ALDH1A2: variants seen among roughly 807,000 people sequenced by gnomAD.
ALDH1A2 encodes the protein retinal dehydrogenase 2.
ALDH1A2 carries 27 observed loss-of-function variants against 60.3 expected under a neutral mutation model. The ratio of observed to expected loss-of-function variants is 0.45; its 90% CI spans 0.33 to 0.62. The LOEUF is 0.62. ALDH1A2 is among the 20% of genes least tolerant of loss of function. The pLI is 0.02. For missense variants in ALDH1A2, 581 were observed against 643.8 expected (o/e 0.90, Z 1.06); for synonymous variants, 289 against 232.4 (o/e 1.24, Z -2.21).
chr15:57,973,706 T>C (rs1894146106), intron 7 of ALDH1A2, among the ~76,000 whole-genome samples: 1 of 152,224 alleles, frequency 6.6e-6, no homozygotes, highest in Non-Finnish European at 1.5e-5. Context: ...TTAAGTCCTT[T>C]AGTGTCTGCC....
intron 1 of ALDH1A2, among the ~76,000 whole-genome samples, chr15:58,029,904 C>T (rs1437444063): frequency 6.6e-6 from 1 of 152,102 alleles, no homozygotes; most frequent in Non-Finnish European, 1.5e-5. Context: ...AGCCTACCAA[C>T]CAAAAAGTCC....
intron 7 of ALDH1A2, among the ~76,000 whole-genome samples, chr15:57,984,383 A>G (rs1894627104): frequency 6.6e-6 from 1 of 152,250 alleles, no homozygotes; most frequent in Admixed American, 6.5e-5. Flanking sequence ...GATATAACTC[A>G]TATACCATAA....
intron 7 of ALDH1A2, among the ~76,000 whole-genome samples, chr15:57,977,864 T>C (rs1161041256): frequency 2.6e-5 from 4 of 152,250 alleles, no homozygotes; most frequent in Admixed American, 2.6e-4. Flanking sequence ...TTGTGTCCTC[T>C]CATTTCCTTG....
At chr15:58,016,427 T>C (rs1194436881) in intron 1 of ALDH1A2, among the ~76,000 whole-genome samples, 1 of 152,146 alleles carries the variant, frequency 6.6e-6, no homozygotes, top group Non-Finnish European at 1.5e-5. Context: ...CGTGAGCCAC[T>C]GCACCCGGCC....
At position 57,960,692 on chromosome 15, in the gene ALDH1A2, A is replaced by G. The variant is rs916962753; in HGVS notation, c.1484+78T>C. Reference sequence around the variant, plus strand: ...ATGTATGGATGAGTGTAAGATAATTAAACTATTTTTTAAGTACTGCTCTGT... The same window carrying G: ...ATGTATGGATGAGTGTAAGATAATTGAACTATTTTTTAAGTACTGCTCTGT... On this transcript the variant is annotated intron_variant, in intron 12 of 12. Transcript: ENST00000249750. The G allele has an allele frequency of 1.7e-5, 21 of 1,271,488 alleles. No homozygotes were observed. In the African/African-American group the frequency reaches 2.4e-4, roughly 14 times the overall value. The allele number at this position is 1,271,488 out of a possible 1,614,324, so 78.8% of individuals were successfully genotyped here.
chr15:57,987,603 G>A (rs370028938), intron 7 of ALDH1A2, among the ~76,000 whole-genome samples: 40 of 152,226 alleles, frequency 2.6e-4, no homozygotes, highest in East Asian at 1.9e-4. Flanking sequence ...AAGACAGGCC[G>A]GGTACAGTGG....
rs1191891887 is a variant in ALDH1A2, at chr15:58,065,710, C to T, written c.-60G>A. 3.2e-6 allele frequency: 4 copies of T among 1,243,876 alleles called. No individual in the cohort carries two copies. The highest frequency in any genetic ancestry group is 4.4e-6 in the Non-Finnish European group (4 of 910,990). The allele number at this position is 1,243,876 out of a possible 1,614,324, so 77.1% of individuals were successfully genotyped here. A position where few individuals can be genotyped will look rare whatever the true frequency, so the allele number is the denominator to read the frequency against. Reference sequence around the variant, plus strand: ...GGGCAGTGCGGGCTGTGCGCGCGGTCCGCGGCCCGGGGGCGCGCTCGCCTG... The same window carrying T: ...GGGCAGTGCGGGCTGTGCGCGCGGTTCGCGGCCCGGGGGCGCGCTCGCCTG... On this transcript the variant is annotated 5_prime_UTR_variant, in exon 1 of 13. Coordinates refer to ENST00000249750, the MANE Select transcript of ALDH1A2 (RefSeq NM_003888.4).
chr15:57,988,747 A>G lies in ALDH1A2; in HGVS notation c.798+3958T>C, dbSNP rs1894795152. Among the ~76,000 whole-genome samples, 3 of 152,246 alleles carry G rather than the reference A, an allele frequency of 2.0e-5. No homozygotes were observed. In the South Asian group the frequency reaches 6.2e-4, roughly 31 times the overall value. ...TCATTTAAAACGTTAAAAGATCTTC[A>G]GTGGCAAAACAGATTTGAACCCAAG... On this transcript the variant is annotated intron_variant, in intron 7 of 12. Coordinates refer to ENST00000249750, the MANE Select transcript of ALDH1A2 (RefSeq NM_003888.4).
Position 58,055,661 on chromosome 15 carries a change from A to C in ALDH1A2, c.117+9873T>G, listed in dbSNP as rs534979241. On this transcript the variant is annotated intron_variant, in intron 1 of 12. Coordinates refer to ENST00000249750, the MANE Select transcript of ALDH1A2 (RefSeq NM_003888.4). ...TTTAGTTTTAAGGTTGGAGAATTTCACACTTCCACAATATTTTCTTTAAAA... is the reference window on the plus strand; with the variant it reads ...TTTAGTTTTAAGGTTGGAGAATTTCCCACTTCCACAATATTTTCTTTAAAA... 9.2e-5 allele frequency among the ~76,000 whole-genome samples: 14 copies of C among 152,218 alleles called. No homozygotes were observed. The South Asian group carries it at 2.9e-3, about 32-fold the overall frequency.
chr15:57,965,219 C>A (rs868247020), intron 8 of ALDH1A2, among the ~76,000 whole-genome samples: 38 of 152,250 alleles, frequency 2.5e-4, no homozygotes, highest in African/African-American at 9.1e-4. Flanking sequence ...ACCGAACTGA[C>A]CCACGTGTGC....
At position 58,016,305 on chromosome 15, in the gene ALDH1A2, A is replaced by T. The variant is rs559440387; in HGVS notation, c.118-2024T>A. Among the ~76,000 whole-genome samples, 42 of 151,940 alleles carry T rather than the reference A, an allele frequency of 2.8e-4. 1 individual carries two copies. In the East Asian group the frequency reaches 7.6e-3, roughly 28 times the overall value. Reference sequence around the variant, plus strand: ...ATTACAGGCACCCACCACCATGCCCAGCTAATTTTTGTATTTTTAGTAGAG... The same window carrying T: ...ATTACAGGCACCCACCACCATGCCCTGCTAATTTTTGTATTTTTAGTAGAG... On this transcript the variant is annotated intron_variant, in intron 1 of 12. Coordinates refer to ENST00000249750, the MANE Select transcript of ALDH1A2 (RefSeq NM_003888.4).
At chr15:58,055,575 AAT>A (rs1217950090) in intron 1 of ALDH1A2, among the ~76,000 whole-genome samples, 1 of 152,056 alleles carries the variant, frequency 6.6e-6, no homozygotes. Flanking sequence ...ATTATCAAAA[AAT>A]AAGTGTGTAG....
At chr15:58,057,891 T>C (rs1896936315) in intron 1 of ALDH1A2, 1 of 412,738 alleles carries the variant, frequency 2.4e-6, no homozygotes, top group Non-Finnish European at 3.8e-6. Flanking sequence ...AGAGTAGCTC[T>C]GGCTACAGCC....
At chr15:58,019,685 G>C (rs183139717) in intron 1 of ALDH1A2, among the ~76,000 whole-genome samples, 2 of 152,278 alleles carry the variant, frequency 1.3e-5, no homozygotes, top group Admixed American at 1.3e-4. Flanking sequence ...TTGTGGTTGT[G>C]AAGGACTAAC....
At chr15:58,053,166 AAC>A (rs1896817602) in intron 1 of ALDH1A2, among the ~76,000 whole-genome samples, 1 of 152,156 alleles carries the variant, frequency 6.6e-6, no homozygotes, top group Non-Finnish European at 1.5e-5. Flanking sequence ...GACATTATAA[AAC>A]ACACAGTACT....
At chr15:58,033,738 A>T (rs1365225288) in intron 1 of ALDH1A2, among the ~76,000 whole-genome samples, 2 of 151,222 alleles carry the variant, frequency 1.3e-5, no homozygotes, top group Admixed American at 6.6e-5. Flanking sequence ...GATTTGTTGA[A>T]AAGACAATCC....
At chr15:58,027,940 G>A (rs1460795947) in intron 1 of ALDH1A2, among the ~76,000 whole-genome samples, 1 of 152,184 alleles carries the variant, frequency 6.6e-6, no homozygotes, top group Non-Finnish European at 1.5e-5. Flanking sequence ...ACCTGAAAGT[G>A]ACGGGGACAA....
At chr15:57,977,977 C>A (rs1224418131) in intron 7 of ALDH1A2, among the ~76,000 whole-genome samples, 1 of 152,130 alleles carries the variant, frequency 6.6e-6, no homozygotes, top group South Asian at 2.1e-4. Flanking sequence ...TGGGAGTTCA[C>A]TCATGACTTG....
chr15:58,064,792 A>T (rs1265648520), intron 1 of ALDH1A2, among the ~76,000 whole-genome samples: 1 of 152,098 alleles, frequency 6.6e-6, no homozygotes, highest in Non-Finnish European at 1.5e-5. Flanking sequence ...GCAGACGCAT[A>T]TTCTTTTTTA....
Sources: gnomAD v4.1 joint callset for allele counts (sites outside exome capture counted in the v4.1 genomes callset) on GRCh38, gnomAD v4.1.1 for gene constraint, MANE v1.5 for transcripts, NCBI Gene and HGNC (gene_info 2026-07-23, HGNC 2026-07-21) for gene names.